Variants in PCDH9 observed in about 807,000 individuals in gnomAD.
PCDH9 encodes the protein protocadherin-9.
In PCDH9, 24 loss-of-function variants were observed where a neutral mutation model predicts 70.6. The ratio of observed to expected loss-of-function variants is 0.34; its 90% confidence interval spans 0.25 to 0.48. The LOEUF (loss-of-function observed/expected upper bound fraction) is 0.48, where lower values mean the gene tolerates loss of function less well. Among genes scored for constraint, PCDH9 ranks in the 20% least tolerant of loss-of-function variants. The pLI is 0.99. For synonymous variants in PCDH9, 562 were observed against 558.5 expected (o/e 1.01, Z -0.09); for missense variants, 1,281 against 1,503.6 (o/e 0.85, Z 2.45).
intron 2 of PCDH9, among the ~76,000 whole-genome samples, chr13:67,163,298 T>C (rs904821464): frequency 3.3e-5 from 5 of 152,218 alleles, no homozygotes; most frequent in East Asian, 1.9e-4. Context: ...AGGCATAATA[T>C]GTATTAAAGA....
At position 66,549,682 on chromosome 13, in the gene PCDH9, C is replaced by T. The variant is rs533628728; in HGVS notation, c.3340+81528G>A. Reference sequence around the variant, plus strand: ...TTGATCTAAATATTAGGTATATCTTCGGAGCACCTATAAAGATCATTTTGT... The same window carrying T: ...TTGATCTAAATATTAGGTATATCTTTGGAGCACCTATAAAGATCATTTTGT... On this transcript the variant is annotated intron_variant, in intron 4 of 4. Transcript: ENST00000377865. 1.1e-4 allele frequency among the ~76,000 whole-genome samples: 17 copies of T among 152,040 alleles called. 1 individual carries two copies. In the South Asian group the frequency reaches 1.9e-3, roughly 17 times the overall value.
In PCDH9 at chr13:66,336,019, T is replaced by C. The variant is rs564131041; in HGVS notation, c.3341-30991A>G. 4.6e-5 allele frequency among the ~76,000 whole-genome samples: 7 copies of C among 152,172 alleles called. No individual in the cohort carries two copies. The South Asian group carries it at 1.5e-3, about 32-fold the overall frequency. On this transcript the variant is annotated intron_variant, in intron 4 of 4. Transcript: ENST00000377865. ...CCATTCCCCAACATCCTCTGGACTG[T>C]GGCCCCTTCTAAAGATAAGCAGTCA...
chr13:66,798,224 T>C (rs1013670866), intron 3 of PCDH9, among the ~76,000 whole-genome samples: 1 of 152,170 alleles, frequency 6.6e-6, no homozygotes, highest in African/African-American at 2.4e-5. Flanking sequence ...TGCAAAACCA[T>C]TAGTTCTAAA....
intron 3 of PCDH9, among the ~76,000 whole-genome samples, chr13:66,715,207 A>G (rs2078852826): frequency 6.6e-6 from 1 of 152,124 alleles, no homozygotes; most frequent in Non-Finnish European, 1.5e-5. Flanking sequence ...AATCTTTGTA[A>G]TATTTATACG....
intron 3 of PCDH9, among the ~76,000 whole-genome samples, chr13:66,843,088 C>G (rs2081143760): frequency 6.6e-6 from 1 of 152,162 alleles, no homozygotes. Context: ...TTCAGGTAGA[C>G]CCAGGTTTGA....
At chr13:67,010,296 A>G (rs1442211523) in intron 2 of PCDH9, among the ~76,000 whole-genome samples, 2 of 151,892 alleles carry the variant, frequency 1.3e-5, no homozygotes, top group Non-Finnish European at 2.9e-5. Flanking sequence ...CAACTACAGG[A>G]CTCCAAAGCC....
intron 2 of PCDH9, among the ~76,000 whole-genome samples, chr13:67,065,171 C>T (rs555503932): frequency 6.6e-6 from 1 of 152,132 alleles, no homozygotes; most frequent in South Asian, 2.1e-4. Context: ...TCATGCATTC[C>T]ATCATTCTTT....
At chr13:66,402,543 A>G (rs1467851903) in intron 4 of PCDH9, among the ~76,000 whole-genome samples, 1 of 152,104 alleles carries the variant, frequency 6.6e-6, no homozygotes, top group Non-Finnish European at 1.5e-5. Context: ...TAATGATCAC[A>G]ATCTGATTGT....
chr13:66,642,729 C>T (rs897781329), intron 3 of PCDH9, among the ~76,000 whole-genome samples: 1 of 151,816 alleles, frequency 6.6e-6, no homozygotes, highest in African/African-American at 2.4e-5. Context: ...AAAAATGGCA[C>T]ATTTTCTTCA....
intron 4 of PCDH9, among the ~76,000 whole-genome samples, chr13:66,523,389 A>G (rs1331652388): frequency 6.6e-6 from 1 of 152,094 alleles, no homozygotes; most frequent in Non-Finnish European, 1.5e-5. Context: ...TCAAAGTTGA[A>G]GTAAAGAAAG....
intron 4 of PCDH9, among the ~76,000 whole-genome samples, chr13:66,462,045 G>A (rs1958433897): frequency 6.6e-6 from 1 of 151,654 alleles, no homozygotes; most frequent in Non-Finnish European, 1.5e-5. Flanking sequence ...AGAGCCAATT[G>A]TTTAATAACT....
At chr13:66,630,093 C>T (rs1240561136) in intron 4 of PCDH9, among the ~76,000 whole-genome samples, 1 of 152,068 alleles carries the variant, frequency 6.6e-6, no homozygotes, top group Non-Finnish European at 1.5e-5. Flanking sequence ...TTCAATTTCC[C>T]ACTTCGTGCA....
At chr13:66,852,635 T>C (rs186912814) in intron 3 of PCDH9, among the ~76,000 whole-genome samples, 10 of 152,204 alleles carry the variant, frequency 6.6e-5, no homozygotes, top group Non-Finnish European at 1.3e-4. Context: ...GGTGATCAGA[T>C]ATTTTATAGA....
chr13:67,098,747 C>G (rs2086372961), intron 2 of PCDH9, among the ~76,000 whole-genome samples: 1 of 151,142 alleles, frequency 6.6e-6, no homozygotes, highest in Admixed American at 6.6e-5. Flanking sequence ...GCATAAAAGA[C>G]AATAACTAAT....
chr13:66,703,749 GTA>G (rs2078677199), intron 3 of PCDH9, among the ~76,000 whole-genome samples: 1 of 151,764 alleles, frequency 6.6e-6, no homozygotes, highest in Non-Finnish European at 1.5e-5. Context: ...AATACAAAAA[GTA>G]TCCAGGCATA....
At chr13:66,907,660 C>T (rs1050303281) in intron 2 of PCDH9, among the ~76,000 whole-genome samples, 7 of 152,010 alleles carry the variant, frequency 4.6e-5, no homozygotes, top group African/African-American at 1.7e-4. Flanking sequence ...GAAAAATAAT[C>T]AACAGTAGCA....
At chr13:66,818,569 T>G (rs2080649276) in intron 3 of PCDH9, among the ~76,000 whole-genome samples, 1 of 152,180 alleles carries the variant, frequency 6.6e-6, no homozygotes, top group African/African-American at 2.4e-5. Context: ...TTAATAACAT[T>G]GTAGTCTCCT....
intron 4 of PCDH9, among the ~76,000 whole-genome samples, chr13:66,462,537 A>T (rs1357539894): frequency 6.6e-6 from 1 of 151,816 alleles, no homozygotes; most frequent in African/African-American, 2.4e-5. Context: ...TCTGCCCGTT[A>T]GAATCAGCTG....
intron 2 of PCDH9, among the ~76,000 whole-genome samples, chr13:67,025,820 T>G (rs1190414564): frequency 6.6e-6 from 1 of 152,124 alleles, no homozygotes; most frequent in African/African-American, 2.4e-5. Context: ...TTTACCTTAA[T>G]AAATCTGTTT....
Sources: allele counts gnomAD v4.1 joint callset (sites outside exome capture counted in the v4.1 genomes callset), GRCh38; gene constraint gnomAD v4.1.1; transcripts MANE v1.5; gene names NCBI Gene and HGNC (gene_info 2026-07-23, HGNC 2026-07-21).